The following ANKRD26 variants were observed in gnomAD, a reference collection of about 807,000 sequenced individuals.
The protein encoded by ANKRD26 is ankyrin repeat domain 26.
Under a neutral mutation model 208.7 loss-of-function variants are expected in ANKRD26, and 141 were observed. The observed-to-expected ratio is 0.68, with a 90% CI of 0.59 to 0.78. The LOEUF (loss-of-function observed/expected upper bound fraction) is 0.78. Among genes scored for constraint, ANKRD26 ranks in the 30% least tolerant of loss-of-function variants. The pLI is 0.00. For synonymous variants in ANKRD26, 636 were observed against 660.4 expected (o/e 0.96, Z 0.57); for missense variants, 1,889 against 1,938.7 (o/e 0.97, Z 0.48).
chr10:26,997,877 G>A (rs1392531166), intron 4 of ANKRD26, among the ~76,000 whole-genome samples: 1 of 152,104 alleles, frequency 6.6e-6, no homozygotes, highest in East Asian at 1.9e-4. Flanking sequence ...AATAGCATGG[G>A]CTCCCAGAGC....
downstream of ANKRD26, among the ~76,000 whole-genome samples, chr10:26,989,360 T>C (rs1379207961): frequency 2.0e-5 from 3 of 152,232 alleles, no homozygotes; most frequent in Non-Finnish European, 2.9e-5. Context: ...TACTAAATCA[T>C]GGTAAATTGT....
At chr10:27,021,534 G>C (rs565877723) in intron 29 of ANKRD26, among the ~76,000 whole-genome samples, 53 of 152,288 alleles carry the variant, frequency 3.5e-4, no homozygotes, top group African/African-American at 1.2e-3. Context: ...CTTCCCTGAT[G>C]ATTAGTGATG....
At position 27,050,219 on chromosome 10, in the gene ANKRD26, C is replaced by CAAAAAAAAAA. The variant is rs67384671; in HGVS notation, c.1636-1250_1636-1241dup. Among the ~76,000 whole-genome samples the CAAAAAAAAAA allele has an allele frequency of 3.9e-3, 129 of 33,006 alleles. 2 individuals carry two copies. Among genetic ancestry groups the CAAAAAAAAAA allele is most frequent in the Middle Eastern group, 0.036 (1 of 28 alleles). 21.7% of individuals were successfully genotyped at this position (33,006 alleles called of 152,430 possible). A position where few individuals can be genotyped will look rare whatever the true frequency, so the allele number is the denominator to read the frequency against. On this transcript the variant is annotated intron_variant, in intron 16 of 33. Transcript: ENST00000376087. ...TGGGCAATAGAGTAAGAATCTGTCT[C>CAAAAAAAAAA]AAAAAAAAAAAAAAAAAAAAAAAAA...
intron 5 of ANKRD26, among the ~76,000 whole-genome samples, chr10:26,977,848 C>G (rs1564328104): frequency 1.3e-5 from 2 of 152,170 alleles, no homozygotes; most frequent in Admixed American, 6.5e-5. Context: ...GTGCCCTGCC[C>G]TACTTCTGAA....
downstream of ANKRD26, among the ~76,000 whole-genome samples, chr10:26,972,076 A>G (rs560369756): frequency 1.3e-5 from 2 of 151,992 alleles, no homozygotes; most frequent in Non-Finnish European, 1.5e-5. Flanking sequence ...TCTACTAAAA[A>G]TACAAAAAAT....
intron 27 of ANKRD26, 142 bp downstream of exon 27, chr10:27,028,710 G>A: frequency 1.5e-6 from 1 of 678,780 alleles, no homozygotes; most frequent in Non-Finnish European, 2.5e-6. Flanking sequence ...CATTATGTAT[G>A]TACAAATATT....
At chr10:26,977,147 C>T (rs1227057221) in intron 5 of ANKRD26, among the ~76,000 whole-genome samples, 2 of 152,162 alleles carry the variant, frequency 1.3e-5, no homozygotes, top group East Asian at 3.8e-4. Flanking sequence ...TGAAGGTATA[C>T]TTCAAATTAT....
At chr10:27,014,771 C>G (rs1289183388) in intron 30 of ANKRD26, 60 bp from the exon 31 acceptor site, 1 of 1,395,860 alleles carries the variant, frequency 7.2e-7, no homozygotes, top group Non-Finnish European at 1.0e-6. Flanking sequence ...ACCATGGTCA[C>G]CTACTCGGTG....
In ANKRD26 at chr10:27,004,768, C is replaced by T. The variant is rs1589194521; in HGVS notation, c.*822G>A. On this transcript the variant is annotated 3_prime_UTR_variant, in exon 34 of 34. Coordinates refer to ENST00000376087, the MANE Select transcript of ANKRD26 (RefSeq NM_014915.3). ...GGAAAGACTGAGGAACTGTTCCAGACTGAAAGATCTAACAGATACAACAAC... is the reference window on the plus strand; with the variant it reads ...GGAAAGACTGAGGAACTGTTCCAGATTGAAAGATCTAACAGATACAACAAC... The T allele has an allele frequency of 1.3e-5, 2 of 149,646 alleles. No homozygotes were observed. The highest frequency in any genetic ancestry group is 2.1e-4 in the East Asian group (1 of 4,694). 9.3% of individuals were successfully genotyped at this position (149,646 alleles called of 1,614,324 possible). A position where few individuals can be genotyped will look rare whatever the true frequency, so the allele number is the denominator to read the frequency against.
intron 11 of ANKRD26, among the ~76,000 whole-genome samples, chr10:27,064,284 T>C (rs2055163411): frequency 6.6e-6 from 1 of 152,186 alleles, no homozygotes; most frequent in Non-Finnish European, 1.5e-5. Context: ...TATCTTTTCA[T>C]CTTCAGATGG....
chr10:27,100,036 T>C (rs2056596195), intron 1 of ANKRD26, 49 bp downstream of exon 1: 2 of 1,610,568 alleles, frequency 1.2e-6, no homozygotes, highest in Non-Finnish European at 1.7e-6. Flanking sequence ...CCCCTCTTCC[T>C]GCCCGCCTAC....
At position 27,005,062 on chromosome 10, in the gene ANKRD26, T is replaced by C. The variant is rs997938415; in HGVS notation, c.*528A>G. ...AAACTGAAGGCTATTTCCAAAAGGT[T>C]AATTAAAAATAAATAAACAAACAGA... On this transcript the variant is annotated 3_prime_UTR_variant, in exon 34 of 34. Transcript: ENST00000376087. The C allele has an allele frequency of 1.0e-6, 1 of 984,852 alleles. No individual in the cohort carries two copies. The highest frequency in any genetic ancestry group is 1.2e-6 in the Non-Finnish European group (1 of 829,534). The allele number at this position is 984,852 out of a possible 1,614,324, so 61.0% of individuals were successfully genotyped here.
chr10:26,950,721 A>G, the ANKRD26 span, among the ~76,000 whole-genome samples: 67 of 152,336 alleles, frequency 4.4e-4, no homozygotes, highest in African/African-American at 1.5e-3. Context: ...TGCTTCCAGT[A>G]AAGCCTGCAG....
At chr10:27,009,742 A>G (rs1041857081) in intron 32 of ANKRD26, among the ~76,000 whole-genome samples, 2 of 152,252 alleles carry the variant, frequency 1.3e-5, no homozygotes, top group South Asian at 2.1e-4. Flanking sequence ...AGTAAAATAA[A>G]TAAACTACGT....
chr10:27,009,823 G>A (rs761355539), intron 32 of ANKRD26, among the ~76,000 whole-genome samples: 4 of 152,094 alleles, frequency 2.6e-5, no homozygotes, highest in African/African-American at 4.8e-5. Flanking sequence ...TTCAGGTGGC[G>A]GAGGCAGCCT....
chr10:27,067,433 TA>T, intron 9 of ANKRD26, 147 bp from the exon 10 acceptor site: 25 of 888,168 alleles, frequency 2.8e-5, no homozygotes, highest in African/African-American at 5.1e-5. Context: ...TTTTTTTTTT[TA>T]AAGAAACACC....
intron 5 of ANKRD26, among the ~76,000 whole-genome samples, chr10:26,993,730 G>C (rs74977007): frequency 0.017 from 2,593 of 152,292 alleles, 163 homozygotes; most frequent in East Asian, 0.17. Context: ...GACCATTTCT[G>C]TGATGTAATA....
intron 32 of ANKRD26, among the ~76,000 whole-genome samples, chr10:27,012,471 A>C (rs906835023): frequency 1.3e-5 from 2 of 152,186 alleles, no homozygotes; most frequent in African/African-American, 2.4e-5. Context: ...TATCAAGCAT[A>C]AGTCAATTAA....
At chr10:27,003,380 G>A (rs557575099), downstream of ANKRD26, among the ~76,000 whole-genome samples, 2 of 152,020 alleles carry the variant, frequency 1.3e-5, no homozygotes, top group Non-Finnish European at 2.9e-5. Flanking sequence ...CAATATAGAA[G>A]GGATGAAGGA....
Sources: allele counts gnomAD v4.1 joint callset (sites outside exome capture counted in the v4.1 genomes callset), GRCh38; gene constraint gnomAD v4.1.1; transcripts MANE v1.5; gene names NCBI Gene and HGNC (gene_info 2026-07-23, HGNC 2026-07-21).